SLC35F5: variants seen among roughly 807,000 people sequenced by gnomAD.
SLC35F5 encodes solute carrier family 35 member F5, also known as HCV NS5A-transactivated protein 3.
In SLC35F5, 54 loss-of-function variants were observed where a neutral mutation model predicts 68.6. That is an observed-to-expected ratio of 0.79 (90% CI 0.63 to 0.99). The LOEUF is 0.99. Ranked by LOEUF, SLC35F5 falls within the 50% of genes least tolerant of loss-of-function variation. SLC35F5 has a pLI of 0.00. For missense variants in SLC35F5, 567 were observed against 626.9 expected, an observed-to-expected ratio of 0.90 and a Z score of 1.02; for synonymous variants, 211 against 205.2, an observed-to-expected ratio of 1.03 and a Z score of -0.24.
At chr2:113,729,919 A>G (rs937693531) in intron 10 of SLC35F5, among the ~76,000 whole-genome samples, 2 of 152,080 alleles carry the variant, frequency 1.3e-5, no homozygotes, top group African/African-American at 4.8e-5. Flanking sequence ...TGTTGCTTGT[A>G]TTGTCTTCCT....
In SLC35F5 at chr2:113,729,389, A is replaced by G; in HGVS notation, c.1090+12T>C. On this transcript the variant is annotated intron_variant, in intron 11 of 15. Coordinates refer to ENST00000245680, the MANE Select transcript of SLC35F5 (RefSeq NM_025181.5). ...TAGAGTAAATAGCCTCCCAAGTTACATATATTCTTACCAAAGAACATTGGA... is the reference window on the plus strand; with the variant it reads ...TAGAGTAAATAGCCTCCCAAGTTACGTATATTCTTACCAAAGAACATTGGA... The G allele has an allele frequency of 7.4e-7, 1 of 1,355,918 alleles. No individual in the cohort carries two copies. Among genetic ancestry groups the G allele is most frequent in the Non-Finnish European group, 1.0e-6 (1 of 966,052 alleles). 84.0% of individuals were successfully genotyped at this position (1,355,918 alleles called of 1,614,324 possible). A position where few individuals can be genotyped will look rare whatever the true frequency, so the allele number is the denominator to read the frequency against.
chr2:113,755,932 T>G, intron 1 of SLC35F5: 1 of 1,550,474 alleles, frequency 6.4e-7, no homozygotes, highest in Non-Finnish European at 8.7e-7. Context: ...GTCCCTGATC[T>G]GCTGGAGTGG....
intron 11 of SLC35F5, 170 bp from the exon 12 acceptor site, chr2:113,725,707 A>AT: frequency 2.0e-6 from 1 of 511,568 alleles, no homozygotes; most frequent in Non-Finnish European, 3.4e-6. Context: ...GCTCAACGCC[A>AT]TAGAAAAAAA....
chr2:113,750,075 C>T (rs1194555793), intron 4 of SLC35F5, among the ~76,000 whole-genome samples: 1 of 152,026 alleles, frequency 6.6e-6, no homozygotes, highest in African/African-American at 2.4e-5. Context: ...CAGAATCCAC[C>T]TAACAATTAG....
chr2:113,703,161 T>TC (rs1686729749), downstream of SLC35F5, among the ~76,000 whole-genome samples: 1 of 150,842 alleles, frequency 6.6e-6, no homozygotes, highest in Admixed American at 6.6e-5. Flanking sequence ...AATGAATCTC[T>TC]TTCTCTCTCT....
chr2:113,732,073 T>C (rs1687919619), intron 9 of SLC35F5, among the ~76,000 whole-genome samples: 2 of 152,182 alleles, frequency 1.3e-5, no homozygotes, highest in Non-Finnish European at 2.9e-5. Flanking sequence ...CTTTCCAATC[T>C]TTCTTTTGGA....
chr2:113,711,265 TG>T lies in SLC35F5; in HGVS notation c.*3952del, dbSNP rs1686972750. Among the ~76,000 whole-genome samples, 1 of 152,212 alleles carries T rather than the reference TG, an allele frequency of 6.6e-6. No individual in the cohort carries two copies. The highest frequency in any genetic ancestry group is 2.1e-4 in the South Asian group (1 of 4,832). On this transcript the variant is annotated 3_prime_UTR_variant, in exon 16 of 16. Coordinates refer to ENST00000245680, the MANE Select transcript of SLC35F5 (RefSeq NM_025181.5). ...GCACATAGAGGGTACTCATTACTTT[TG>T]GTTGGTAATTTTTCCTTAAATATAT...
intron 4 of SLC35F5, among the ~76,000 whole-genome samples, chr2:113,749,024 C>G (rs1333075307): frequency 6.6e-6 from 1 of 152,126 alleles, no homozygotes; most frequent in Non-Finnish European, 1.5e-5. Context: ...AGGATGGTCT[C>G]GATCTCCTGA....
At chr2:113,744,512 G>C (rs747379199) in intron 5 of SLC35F5, among the ~76,000 whole-genome samples, 2 of 152,112 alleles carry the variant, frequency 1.3e-5, no homozygotes, top group African/African-American at 4.8e-5. Context: ...TTTGGGAGGC[G>C]AGGCTGAGGC....
At chr2:113,747,244 G>A (rs1415531308) in intron 4 of SLC35F5, among the ~76,000 whole-genome samples, 1 of 150,052 alleles carries the variant, frequency 6.7e-6, no homozygotes, top group South Asian at 2.1e-4. Flanking sequence ...CCGAGATCAC[G>A]CCACTGCACT....
chr2:113,755,073 A>T, intron 3 of SLC35F5, 92 bp downstream of exon 3: 1 of 1,307,942 alleles, frequency 7.6e-7, no homozygotes, highest in South Asian at 1.5e-5. Flanking sequence ...TGCTTTTAGA[A>T]AGCAGGAGAT....
downstream of SLC35F5, among the ~76,000 whole-genome samples, chr2:113,703,238 G>C (rs1037288492): frequency 6.6e-6 from 1 of 151,790 alleles, no homozygotes; most frequent in Non-Finnish European, 1.5e-5. Flanking sequence ...ATACTCAACA[G>C]ATCTTAAAGT....
downstream of SLC35F5, among the ~76,000 whole-genome samples, chr2:113,705,855 G>A (rs1310241888): frequency 1.3e-5 from 2 of 151,742 alleles, no homozygotes; most frequent in African/African-American, 2.4e-5. Context: ...TTTTATATAT[G>A]TTTGGTTTTA....
intron 12 of SLC35F5, among the ~76,000 whole-genome samples, chr2:113,724,918 G>A (rs1178431318): frequency 6.6e-6 from 1 of 152,022 alleles, no homozygotes; most frequent in Non-Finnish European, 1.5e-5. Flanking sequence ...CCATATGAAA[G>A]GTTCTGAAAA....
chr2:113,702,977 G>T (rs1162845463), downstream of SLC35F5, among the ~76,000 whole-genome samples: 2 of 152,024 alleles, frequency 1.3e-5, no homozygotes, highest in Non-Finnish European at 1.5e-5. Context: ...AGGCTTGTTG[G>T]TGTGCACCTG....
chr2:113,702,709 C>T (rs547315493), downstream of SLC35F5, among the ~76,000 whole-genome samples: 66 of 152,142 alleles, frequency 4.3e-4, no homozygotes, highest in African/African-American at 1.6e-3. Flanking sequence ...AATATGTTTA[C>T]TTTTTTACAG....
intron 7 of SLC35F5, 45 bp from the exon 8 acceptor site, chr2:113,735,903 T>G: frequency 7.8e-6 from 9 of 1,156,606 alleles, no homozygotes; most frequent in Non-Finnish European, 9.0e-6. Context: ...AAAGACATGT[T>G]TACATCTGTC....
Position 113,756,608 on chromosome 2 carries a change from C to T in SLC35F5, c.-199G>A. 7.3e-7 allele frequency: 1 copy of T among 1,378,030 alleles called. No homozygotes were observed. The highest frequency in any genetic ancestry group is 9.5e-7 in the Non-Finnish European group (1 of 1,056,880). 85.4% of individuals were successfully genotyped at this position (1,378,030 alleles called of 1,614,324 possible). A position where few individuals can be genotyped will look rare whatever the true frequency, so the allele number is the denominator to read the frequency against. On this transcript the variant is annotated 5_prime_UTR_variant, in exon 1 of 16. Transcript: ENST00000245680. ...TGGAGCGGGTGAGGGGAAGGGACGG[C>T]ACAGTCAGCTATGGCCGCGGAGGCC...
chr2:113,746,926 A>AAAG (rs1373593680), intron 4 of SLC35F5, among the ~76,000 whole-genome samples: 3 of 140,424 alleles, frequency 2.1e-5, no homozygotes, highest in Non-Finnish European at 4.8e-5. Context: ...CGTCTCAAAA[A>AAAG]AAGAAAAAAA....
Sources: gnomAD v4.1 joint callset for allele counts (sites outside exome capture counted in the v4.1 genomes callset) on GRCh38, gnomAD v4.1.1 for gene constraint, MANE v1.5 for transcripts, NCBI Gene and HGNC (gene_info 2026-07-23, HGNC 2026-07-21) for gene names.